KLHDC4: variants seen among roughly 807,000 people sequenced by gnomAD.
The protein encoded by KLHDC4 is kelch domain containing 4, also known as kelch domain-containing protein 4.
A neutral mutation model predicts 62.4 loss-of-function variants in KLHDC4; 90 were observed. The ratio of observed to expected loss-of-function variants is 1.44; its 90% CI spans 1.22 to 1.72. KLHDC4 has a LOEUF of 1.72. Ranked by LOEUF, KLHDC4 falls within the 40% of genes most tolerant of loss-of-function variation. The probability of loss-of-function intolerance (pLI) is 0.00; values close to 1 mark genes in which losing one functional copy is unlikely to be tolerated. For missense variants in KLHDC4, 1,025 were observed against 699.7 expected, an observed-to-expected ratio of 1.47 and a Z score of -5.25; for synonymous variants, 386 against 284.4, an observed-to-expected ratio of 1.36 and a Z score of -3.59.
intron 7 of KLHDC4, among the ~76,000 whole-genome samples, chr16:87,717,101 T>C (rs2037158541): frequency 1.3e-5 from 2 of 151,684 alleles, no homozygotes; most frequent in African/African-American, 2.4e-5. Context: ...CATGGTGGCA[T>C]GCATCTGTAG....
chr16:87,708,396 C>T lies in KLHDC4; in HGVS notation c.1518G>A (p.Gly506=), dbSNP rs1159137767. ...CCTCTCCGCTGTCTTCGTCGTCGAC[C>T]CCACCCTCGGCGCCCTCAACCTCCT... The part of the protein sequence containing the change: ...DSEEVEGAEG[G]VDDEDSGEES... The change falls in exon 11 of 12, where the codon GGG becomes GGA. Residue 506 remains glycine, a synonymous_variant. Coordinates refer to ENST00000270583, the MANE Select transcript of KLHDC4 (RefSeq NM_017566.4). 1.9e-6 allele frequency: 3 copies of T among 1,611,626 alleles called. No individual in the cohort carries two copies. In the African/African-American group the frequency reaches 4.0e-5, roughly 22 times the overall value.
intron 1 of KLHDC4, chr16:87,765,310 G>A (rs1281174408): frequency 2.2e-6 from 1 of 456,236 alleles, no homozygotes; most frequent in Admixed American, 2.3e-5. Flanking sequence ...GCTGCTCACT[G>A]CTCAGGGCTG....
At chr16:87,754,853 C>T (rs1458335376) in intron 4 of KLHDC4, among the ~76,000 whole-genome samples, 1 of 152,204 alleles carries the variant, frequency 6.6e-6, no homozygotes. Flanking sequence ...GCACACCTTT[C>T]CTGAACATCC....
chr16:87,703,861 G>A (rs889663430), downstream of KLHDC4, among the ~76,000 whole-genome samples: 1 of 152,246 alleles, frequency 6.6e-6, no homozygotes, highest in Non-Finnish European at 1.5e-5. Flanking sequence ...CATTGCTGCA[G>A]CTCTCTCGTG....
At chr16:87,708,536 T>C (rs1567645978) in intron 10 of KLHDC4, 70 bp from the exon 11 acceptor site, 2 of 1,170,116 alleles carry the variant, frequency 1.7e-6, no homozygotes, top group East Asian at 2.5e-5. Flanking sequence ...TGCGGGACGG[T>C]GGTGGCTACG....
exon 1 of KLHDC4, chr16:87,702,576 G>T (rs1264185219): frequency 5.9e-6 from 2 of 337,936 alleles, no homozygotes; most frequent in Admixed American, 7.7e-5. Flanking sequence ...TCTCTAGCAG[G>T]ACTCTGCTCA....
Position 87,765,852 on chromosome 16 carries a change from G to C in KLHDC4, c.39C>G (p.Gly13=). 2 of 1,554,130 alleles carry C rather than the reference G, an allele frequency of 1.3e-6. No homozygotes were observed. Among genetic ancestry groups the C allele is most frequent in the Non-Finnish European group, 1.7e-6 (2 of 1,148,208 alleles). Residue 13 remains glycine (G), a synonymous_variant, in exon 1 of 12, where the codon GGC becomes GGG. Transcript: ENST00000270583. ...KKGKKEKKGR[G]AEKTAAKMEK... is the part of the protein sequence containing the mutation. ...CCATCTTGGCGGCCGTCTTCTCCGC[G>C]CCGCGGCCCTTCTTCTCCTTCTTGC...
chr16:87,755,404 T>A, intron 3 of KLHDC4, 112 bp from the exon 4 acceptor site: 2 of 621,932 alleles, frequency 3.2e-6, no homozygotes, highest in Non-Finnish European at 5.8e-6. Context: ...TAAAGGAATG[T>A]AAACCATACC....
intron 7 of KLHDC4, among the ~76,000 whole-genome samples, chr16:87,716,224 A>G (rs770245971): frequency 1.3e-5 from 2 of 151,742 alleles, no homozygotes; most frequent in African/African-American, 2.4e-5. Flanking sequence ...ATTGACGTAG[A>G]CTTTGGGTAC....
intron 5 of KLHDC4, among the ~76,000 whole-genome samples, chr16:87,735,976 G>A (rs147185413): frequency 1.3e-3 from 200 of 152,314 alleles, no homozygotes; most frequent in African/African-American, 4.5e-3. Context: ...GCTTCTCTGA[G>A]TTAAGCACTC....
downstream of KLHDC4, among the ~76,000 whole-genome samples, chr16:87,707,462 G>C (rs541935323): frequency 6.6e-6 from 1 of 152,240 alleles, no homozygotes; most frequent in African/African-American, 2.4e-5. Flanking sequence ...CCCCCACCAC[G>C]AGACCCCCGT....
exon 1 of KLHDC4, chr16:87,701,972 C>G (rs2034165060): frequency 4.4e-6 from 2 of 456,220 alleles, no homozygotes; most frequent in African/African-American, 2.0e-5. Context: ...TCTTGGTCAT[C>G]TTCCTGGGCC....
Position 87,726,855 on chromosome 16 carries a change from C to T in KLHDC4, c.669G>A (p.Pro223=), listed in dbSNP as rs568401184. The T allele has an allele frequency of 5.6e-6, 9 of 1,613,358 alleles. 1 individual carries two copies. The highest frequency in any genetic ancestry group is 5.3e-5 in the African/African-American group (4 of 74,874). ...LDTFTWSKLS[P]SGTGPTPRSG... is the part of the protein sequence containing the mutation. ...ATCTGGGTGTGGGCCCCGTCCCTGA[C>T]GGGGACAGCTTGCTCCATGTGAAGG... is the stretch of plus-strand genomic sequence containing the variant. The change falls in exon 7 of 12, where the codon CCG becomes CCA. Residue 223 remains proline, a synonymous_variant. Coordinates refer to ENST00000270583, the MANE Select transcript of KLHDC4 (RefSeq NM_017566.4).
Position 87,761,986 on chromosome 16 carries a change from G to C in KLHDC4, c.154C>G (p.Gln52Glu), listed in dbSNP as rs181978859. The change falls in exon 2 of 12, where the codon CAG becomes GAG. Residue 52 changes from glutamine to glutamate, a missense_variant. Gln to Glu is a conservative substitution (Grantham distance 29). Coordinates refer to ENST00000270583, the MANE Select transcript of KLHDC4 (RefSeq NM_017566.4). ...HFQTLDAKRT[Q>E]TVELPCPPPS... ...GGGGGGCACGGAAGTTCCACAGTCT[G>C]AGTCCTCTTGGCATCGAGTGTCTGG... 29 of 1,613,882 alleles carry C rather than the reference G, an allele frequency of 1.8e-5. No individual in the cohort carries two copies. Among genetic ancestry groups the C allele is most frequent in the Non-Finnish European group, 2.5e-5 (29 of 1,179,974 alleles).
chr16:87,714,307 C>T, intron 8 of KLHDC4, 191 bp downstream of exon 8: 1 of 856,988 alleles, frequency 1.2e-6, no homozygotes, highest in Non-Finnish European at 1.4e-6. Context: ...AAGGTGATTG[C>T]CCAGCAGACA....
At chr16:87,725,731 G>C (rs2039248664) in intron 7 of KLHDC4, among the ~76,000 whole-genome samples, 1 of 152,184 alleles carries the variant, frequency 6.6e-6, no homozygotes, top group Non-Finnish European at 1.5e-5. Context: ...CGCCCCACGA[G>C]CAGCAGGCAC....
At chr16:87,743,573 T>C (rs1364231472) in intron 5 of KLHDC4, among the ~76,000 whole-genome samples, 2 of 151,920 alleles carry the variant, frequency 1.3e-5, no homozygotes, top group Admixed American at 1.3e-4. Context: ...ACCCCGTCTC[T>C]ACTTAAAATA....
At chr16:87,730,325 T>C (rs2040118708) in intron 6 of KLHDC4, among the ~76,000 whole-genome samples, 1 of 152,232 alleles carries the variant, frequency 6.6e-6, no homozygotes. Flanking sequence ...GTGGGGTCCC[T>C]TGTTCAACAA....
chr16:87,732,497 T>A (rs1365090687), intron 5 of KLHDC4, among the ~76,000 whole-genome samples: 1 of 152,144 alleles, frequency 6.6e-6, no homozygotes, highest in Non-Finnish European at 1.5e-5. Context: ...GATATAAAAA[T>A]ACATGGCAAT....
Sources: gnomAD v4.1 joint callset for allele counts (sites outside exome capture counted in the v4.1 genomes callset) on GRCh38, gnomAD v4.1.1 for gene constraint, MANE v1.5 for transcripts, NCBI Gene and HGNC (gene_info 2026-07-23, HGNC 2026-07-21) for gene names.